Variants in CYP39A1 observed in about 807,000 individuals in gnomAD.
CYP39A1 encodes 24-hydroxycholesterol 7-alpha-hydroxylase.
In CYP39A1, 49 loss-of-function variants were observed where a neutral mutation model predicts 58.1. The ratio of observed to expected loss-of-function variants is 0.84; its 90% confidence interval spans 0.67 to 1.07. The LOEUF is 1.07. CYP39A1 is among the 50% of genes least tolerant of loss of function. CYP39A1 has a pLI of 0.00. For synonymous variants in CYP39A1, 209 were observed against 187.6 expected (o/e 1.11, Z -0.93); for missense variants, 531 against 539.4 (o/e 0.98, Z 0.16).
At chr6:46,596,230 T>C (rs1773151684) in intron 7 of CYP39A1, 110 bp from the exon 8 acceptor site, 1 of 704,092 alleles carries the variant, frequency 1.4e-6, no homozygotes, top group Non-Finnish European at 2.3e-6. Context: ...AAGTAAAGTG[T>C]TCCTATTACT....
chr6:46,579,855 T>G (rs1305202186), intron 10 of CYP39A1, among the ~76,000 whole-genome samples: 3 of 151,954 alleles, frequency 2.0e-5, no homozygotes, highest in Non-Finnish European at 2.9e-5. Context: ...AAATCAGATA[T>G]GACACAAACA....
chr6:46,636,389 CATGGA>C lies in CYP39A1; in HGVS notation c.727_731del (p.Ser243AspfsTer16), dbSNP rs1562013223. The stretch of plus-strand genomic sequence containing the variant: ...CAAAAGAAAGGTAAGAAATACTTAC[CATGGA>C]ATTATCTTTTGCAGATTTACATGCT... On this transcript the variant is annotated frameshift_variant and splice_region_variant, in exon 5 of 12. Coordinates refer to ENST00000275016, the MANE Select transcript of CYP39A1 (RefSeq NM_016593.5). LOFTEE classifies it high-confidence loss of function. The C allele has an allele frequency of 1.3e-6, 2 of 1,569,456 alleles. No individual in the cohort carries two copies.
Position 46,550,423 on chromosome 6 carries a change from C to A in CYP39A1, c.1353G>T (p.Leu451Phe). Residue 451 changes from leucine (L) to phenylalanine (F), a missense_variant, in exon 12 of 12, where the codon TTG becomes TTT. Coordinates refer to ENST00000275016, the MANE Select transcript of CYP39A1 (RefSeq NM_016593.5). ...DPLPKQSYLH[L>F]VGVPQPEGQC... ...GCCCTTCCGGCTGGGGGACACCCAC[C>A]AAATGGAGATAACTCTAAAAACAGA... is the stretch of plus-strand genomic sequence containing the variant. 1 of 1,611,028 alleles carries A rather than the reference C, an allele frequency of 6.2e-7. No homozygotes were observed. Among genetic ancestry groups the A allele is most frequent in the Non-Finnish European group, 8.5e-7 (1 of 1,178,642 alleles).
chr6:46,558,148 G>A (rs1259370104), intron 10 of CYP39A1, among the ~76,000 whole-genome samples: 1 of 151,862 alleles, frequency 6.6e-6, no homozygotes, highest in African/African-American at 2.4e-5. Flanking sequence ...TTAAAGAATA[G>A]AAAGAAAAAT....
chr6:46,586,718 A>G (rs1380315112), intron 10 of CYP39A1, among the ~76,000 whole-genome samples: 1 of 152,136 alleles, frequency 6.6e-6, no homozygotes, highest in African/African-American at 2.4e-5. Context: ...GCAAATATCC[A>G]TGACAATGTC....
intron 7 of CYP39A1, among the ~76,000 whole-genome samples, chr6:46,609,161 G>A (rs1322160226): frequency 6.6e-6 from 1 of 151,886 alleles, no homozygotes; most frequent in South Asian, 2.1e-4. Flanking sequence ...CAGCACTTCG[G>A]GAGGCCGAGG....
At chr6:46,598,227 T>A (rs6922291) in intron 7 of CYP39A1, among the ~76,000 whole-genome samples, 59,053 of 152,024 alleles carry the variant, frequency 0.39, 13,884 homozygotes, top group African/African-American at 0.65. Context: ...ATTTACACTG[T>A]TATTCTCAAA....
In CYP39A1 at chr6:46,587,089, T is replaced by C; in HGVS notation, c.1238A>G (p.Gln413Arg). 1 of 1,611,284 alleles carries C rather than the reference T, an allele frequency of 6.2e-7. No homozygotes were observed. The highest frequency in any genetic ancestry group is 8.5e-7 in the Non-Finnish European group (1 of 1,178,726). ...CTGTCTCACTGACCTTGCAGGACAC[T>C]GGAACTTCCCGCTTCCAAATGCCAT... Reference protein sequence around the residue: ...CFMAFGSGKFQCPARWFALLE... With the variant: ...CFMAFGSGKFRCPARWFALLE... The change falls in exon 10 of 12, where the codon CAG (glutamine) becomes CGG (arginine). Residue 413 changes from glutamine to arginine, a missense_variant. Transcript: ENST00000275016.
intron 8 of CYP39A1, among the ~76,000 whole-genome samples, chr6:46,591,802 TAA>T (rs1398842212): frequency 6.6e-6 from 1 of 152,128 alleles, no homozygotes; most frequent in African/African-American, 2.4e-5. Flanking sequence ...ATTGATTTAT[TAA>T]AAGAGTCACT....
intron 11 of CYP39A1, among the ~76,000 whole-genome samples, chr6:46,551,791 G>C (rs1419207280): frequency 2.0e-5 from 3 of 152,130 alleles, no homozygotes; most frequent in African/African-American, 7.2e-5. Flanking sequence ...TCCTAGAAGA[G>C]CCTGGTGATT....
chr6:46,634,752 C>T (rs1198632672), intron 5 of CYP39A1, among the ~76,000 whole-genome samples: 1 of 152,030 alleles, frequency 6.6e-6, no homozygotes, highest in African/African-American at 2.4e-5. Flanking sequence ...GAACTTCTGA[C>T]CTTAGGTGAT....
chr6:46,636,418 CT>C lies in CYP39A1; in HGVS notation c.702del (p.Ala235HisfsTer10). On this transcript the variant is annotated frameshift_variant, in exon 5 of 12. Coordinates refer to ENST00000275016, the MANE Select transcript of CYP39A1 (RefSeq NM_016593.5). LOFTEE classifies it high-confidence loss of function. ...ELFEKNIPDI[K>X]ACKSAKDNSM... ...GAATTATCTTTTGCAGATTTACATGCTTTTATATCTGGAATGTTTTTCTCAA... is the reference window on the plus strand; with the variant it reads ...GAATTATCTTTTGCAGATTTACATGCTTTATATCTGGAATGTTTTTCTCAA... The C allele has an allele frequency of 1.9e-6, 3 of 1,609,368 alleles. No homozygotes were observed. Among genetic ancestry groups the C allele is most frequent in the Non-Finnish European group, 2.5e-6 (3 of 1,178,556 alleles).
intron 8 of CYP39A1, among the ~76,000 whole-genome samples, chr6:46,591,274 C>G (rs983566696): frequency 6.6e-6 from 1 of 151,798 alleles, no homozygotes; most frequent in Admixed American, 6.6e-5. Flanking sequence ...TCCTGATTAA[C>G]CTATGTGACA....
In CYP39A1 at chr6:46,639,679, A is replaced by C. The variant is rs1443641305; in HGVS notation, c.314-11T>G. The C allele has an allele frequency of 3.7e-6, 6 of 1,603,764 alleles. No individual in the cohort carries two copies. Among genetic ancestry groups the C allele is most frequent in the Non-Finnish European group, 5.1e-6 (6 of 1,174,470 alleles). Reference sequence around the variant, plus strand: ...TCTTTGGAATTGATGCTATGAACAAAGAAAACTATTTTCAAAATAAGCAAC... The same window carrying C: ...TCTTTGGAATTGATGCTATGAACAACGAAAACTATTTTCAAAATAAGCAAC... On this transcript the variant is annotated splice_polypyrimidine_tract_variant and intron_variant, in intron 2 of 11. Coordinates refer to ENST00000275016, the MANE Select transcript of CYP39A1 (RefSeq NM_016593.5).
chr6:46,561,867 G>C (rs62401163), intron 10 of CYP39A1, among the ~76,000 whole-genome samples: 16,665 of 152,174 alleles, frequency 0.11, 1,293 homozygotes, highest in Non-Finnish European at 0.17. Context: ...GAAATAATTA[G>C]AAATAGTGGT....
intron 6 of CYP39A1, among the ~76,000 whole-genome samples, chr6:46,627,077 A>T (rs1330747124): frequency 6.6e-6 from 1 of 152,158 alleles, no homozygotes. Context: ...ACACGGTGGC[A>T]GAAGAAGGGG....
intron 7 of CYP39A1, among the ~76,000 whole-genome samples, chr6:46,601,193 A>C (rs988197223): frequency 6.7e-6 from 1 of 150,362 alleles, no homozygotes; most frequent in African/African-American, 2.4e-5. Flanking sequence ...TCCCTTAAAC[A>C]ATCAGCAAAA....
At chr6:46,581,759 T>C (rs772768429) in intron 10 of CYP39A1, among the ~76,000 whole-genome samples, 1 of 152,122 alleles carries the variant, frequency 6.6e-6, no homozygotes, top group Non-Finnish European at 1.5e-5. Context: ...AACTTGCACA[T>C]GTACCCCCCT....
At chr6:46,587,195 A>G in intron 9 of CYP39A1, 30 bp from the exon 10 acceptor site, 2 of 1,397,104 alleles carry the variant, frequency 1.4e-6, no homozygotes, top group Non-Finnish European at 2.0e-6. Flanking sequence ...TTTTTTCCAA[A>G]TCAGCCTTAT....
Sources: gnomAD v4.1 joint callset for allele counts (sites outside exome capture counted in the v4.1 genomes callset) on GRCh38, gnomAD v4.1.1 for gene constraint, MANE v1.5 for transcripts, NCBI Gene and HGNC (gene_info 2026-07-23, HGNC 2026-07-21) for gene names.